EPHB2: variants seen among roughly 807,000 people sequenced by gnomAD.
The protein encoded by EPHB2 is EPH receptor B2.
EPHB2 carries 18 observed loss-of-function variants against 96.4 expected under a neutral mutation model. The ratio of observed to expected loss-of-function variants is 0.19; its 90% confidence interval spans 0.13 to 0.28. The LOEUF is 0.28. Among genes scored for constraint, EPHB2 ranks in the 10% least tolerant of loss-of-function variants. EPHB2 has a pLI of 1.00. For synonymous variants in EPHB2, 506 were observed against 534.1 expected, an observed-to-expected ratio of 0.95 and a Z score of 0.72; for missense variants, 989 against 1,355.4, an observed-to-expected ratio of 0.73 and a Z score of 4.25.
At chr1:22,735,151 G>A (rs981625700) in intron 1 of EPHB2, among the ~76,000 whole-genome samples, 4 of 152,164 alleles carry the variant, frequency 2.6e-5, no homozygotes, top group Non-Finnish European at 4.4e-5. Flanking sequence ...TGCTGGGTAC[G>A]GTGGCTCACT....
intron 3 of EPHB2, among the ~76,000 whole-genome samples, chr1:22,836,289 A>G (rs1056553255): frequency 1.3e-5 from 2 of 151,866 alleles, no homozygotes; most frequent in African/African-American, 4.8e-5. Context: ...GCTGAGTCCA[A>G]CTCTACACCA....
intron 9 of EPHB2, among the ~76,000 whole-genome samples, chr1:22,904,965 T>C (rs564209144): frequency 1.3e-5 from 2 of 152,270 alleles, no homozygotes; most frequent in Admixed American, 6.5e-5. Context: ...GCCTCCAAAT[T>C]TGCAGCTCCC....
intron 3 of EPHB2, among the ~76,000 whole-genome samples, chr1:22,841,276 T>C (rs1179122588): frequency 6.6e-6 from 1 of 152,220 alleles, no homozygotes; most frequent in Non-Finnish European, 1.5e-5. Context: ...ATAAAGCTTG[T>C]GGAGGACACA....
intron 3 of EPHB2, among the ~76,000 whole-genome samples, chr1:22,832,335 G>A (rs146141844): frequency 1.1e-3 from 170 of 152,166 alleles, no homozygotes; most frequent in African/African-American, 3.8e-3. Flanking sequence ...TCACAATACC[G>A]GGCCTCAAGA....
In EPHB2 at chr1:22,905,943, A is replaced by G. The variant is rs768285328; in HGVS notation, c.1766-44A>G. 10 of 1,613,828 alleles carry G rather than the reference A, an allele frequency of 6.2e-6. No individual in the cohort carries two copies. In the Admixed American group the frequency reaches 6.7e-5, roughly 11 times the overall value. ...GCTCCCGCTTTTCCTTTTTGTGTGCATCTTGAGTCAGTCCATATGACAGAG... is the reference window on the plus strand; with the variant it reads ...GCTCCCGCTTTTCCTTTTTGTGTGCGTCTTGAGTCAGTCCATATGACAGAG... On this transcript the variant is annotated intron_variant, in intron 9 of 15. Coordinates refer to ENST00000374630, the MANE Select transcript of EPHB2 (RefSeq NM_017449.5).
rs953767190 is a variant in EPHB2, at chr1:22,830,281, G to A, written c.812-32756G>A. Among the ~76,000 whole-genome samples, 6 of 152,154 alleles carry A rather than the reference G, an allele frequency of 3.9e-5. No individual in the cohort carries two copies. In the South Asian group the frequency reaches 8.3e-4, roughly 21 times the overall value. On this transcript the variant is annotated intron_variant, in intron 3 of 15. Transcript: ENST00000374630. ...CATGCTCTGAGGAGAGGGGCGGTTC[G>A]CAGACACTGAAGGGGACCCACGTGA...
chr1:22,856,094 C>T (rs1645693937), intron 3 of EPHB2, among the ~76,000 whole-genome samples: 1 of 152,176 alleles, frequency 6.6e-6, no homozygotes, highest in Non-Finnish European at 1.5e-5. Flanking sequence ...GGGCCTGACC[C>T]AGCGATTGAC....
intron 1 of EPHB2, among the ~76,000 whole-genome samples, chr1:22,743,377 C>T (rs1222202997): frequency 2.6e-5 from 4 of 152,214 alleles, no homozygotes; most frequent in Admixed American, 6.5e-5. Context: ...AGGCACTTCA[C>T]CTCTCTGAGC....
intron 3 of EPHB2, among the ~76,000 whole-genome samples, chr1:22,814,515 T>C (rs1269486860): frequency 6.6e-6 from 1 of 152,156 alleles, no homozygotes; most frequent in Non-Finnish European, 1.5e-5. Flanking sequence ...AAGCACCTAC[T>C]CTGTACCACG....
intron 3 of EPHB2, among the ~76,000 whole-genome samples, chr1:22,839,924 G>A (rs1645441126): frequency 6.6e-6 from 1 of 152,142 alleles, no homozygotes; most frequent in South Asian, 2.1e-4. Context: ...TCATCATACT[G>A]CTAATTATTT....
At chr1:22,779,746 C>T (rs1277753413) in intron 1 of EPHB2, among the ~76,000 whole-genome samples, 1 of 152,242 alleles carries the variant, frequency 6.6e-6, no homozygotes, top group Non-Finnish European at 1.5e-5. Context: ...GTTGCCCTGT[C>T]TCCAAAAGGA....
chr1:22,896,459 A>G lies in EPHB2; in HGVS notation c.1746A>G (p.Gln582=), dbSNP rs764344887. Residue 582 remains glutamine (Q), a synonymous_variant, in exon 9 of 16, where the codon CAA becomes CAG. Coordinates refer to ENST00000374630, the MANE Select transcript of EPHB2 (RefSeq NM_017449.5). ...ACTCGGAGTACACGGACAAGCTGCA[A>G]CACTACACCAGTGGCCACAGTATGT... The part of the protein sequence containing the change: ...RADSEYTDKL[Q]HYTSGHMTPG... The G allele has an allele frequency of 4.3e-6, 7 of 1,614,124 alleles. No individual in the cohort carries two copies. The highest frequency in any genetic ancestry group is 1.1e-5 in the South Asian group (1 of 91,088).
chr1:22,741,345 G>A (rs973224951), intron 1 of EPHB2, among the ~76,000 whole-genome samples: 6 of 151,842 alleles, frequency 4.0e-5, no homozygotes, highest in Admixed American at 1.3e-4. Context: ...CCTTAAAACC[G>A]CGTTCCTGGA....
At chr1:22,884,013 T>TCC (rs1639139683) in intron 6 of EPHB2, among the ~76,000 whole-genome samples, 2 of 113,982 alleles carry the variant, frequency 1.8e-5, no homozygotes, top group African/African-American at 6.6e-5. Flanking sequence ...TCCCTCATCC[T>TCC]CCCCTCATCT....
rs371418612 is a variant in EPHB2 at position 22,913,630 on chromosome 1, G to T, written c.*60G>T. 4.5e-5 allele frequency: 72 copies of T among 1,606,190 alleles called. No individual in the cohort carries two copies. The highest frequency in any genetic ancestry group is 2.1e-4 in the Admixed American group (12 of 58,526). Reference sequence around the variant, plus strand: ...CCCCGCCCCCTCTGCCCCACGTGCCGGCCCTCCTGGTGCTCTATCCACTGC... The same window carrying T: ...CCCCGCCCCCTCTGCCCCACGTGCCTGCCCTCCTGGTGCTCTATCCACTGC... On this transcript the variant is annotated 3_prime_UTR_variant, in exon 16 of 16. Coordinates refer to ENST00000374630, the MANE Select transcript of EPHB2 (RefSeq NM_017449.5). The surrounding 1 kb of genome is among the most constrained non-coding windows in gnomAD (Gnocchi z 4.1).
At chr1:22,720,659 T>TCCCCCC (rs1570147278) in intron 1 of EPHB2, among the ~76,000 whole-genome samples, 1 of 73,480 alleles carries the variant, frequency 1.4e-5, no homozygotes. Flanking sequence ...AGAAATCTCA[T>TCCCCCC]TCCCCCCCCC....
At chr1:22,716,605 C>T (rs1643302069) in intron 1 of EPHB2, among the ~76,000 whole-genome samples, 1 of 152,210 alleles carries the variant, frequency 6.6e-6, no homozygotes, top group Admixed American at 6.5e-5. Context: ...TCCCAAAGTG[C>T]TGGGATTACA....
intron 3 of EPHB2, among the ~76,000 whole-genome samples, chr1:22,836,422 G>A (rs2148492349): frequency 6.6e-6 from 1 of 152,364 alleles, no homozygotes; most frequent in Non-Finnish European, 1.5e-5. Context: ...GTGAGCAGTT[G>A]CTTCAATGGG....
At chr1:22,838,680 G>A (rs1570365282) in intron 3 of EPHB2, among the ~76,000 whole-genome samples, 1 of 152,340 alleles carries the variant, frequency 6.6e-6, no homozygotes, top group African/African-American at 2.4e-5. Context: ...TGTAATCCCA[G>A]CACTTTGGGA....
Sources: gnomAD v4.1 joint callset for allele counts (sites outside exome capture counted in the v4.1 genomes callset) on GRCh38, gnomAD v4.1.1 for gene constraint, Gnocchi (gnomAD v3.1) non-coding constraint, MANE v1.5 for transcripts, NCBI Gene and HGNC (gene_info 2026-07-23, HGNC 2026-07-21) for gene names.